Variants in NFAT5 observed in about 807,000 individuals in gnomAD.
NFAT5 encodes the protein nuclear factor of activated T cells 5.
A neutral mutation model predicts 166.5 loss-of-function variants in NFAT5; 31 were observed. The ratio of observed to expected loss-of-function variants is 0.19; its 90% CI spans 0.14 to 0.25. The LOEUF (loss-of-function observed/expected upper bound fraction) is 0.25. Among genes scored for constraint, NFAT5 ranks in the 10% least tolerant of loss-of-function variants. The pLI, the probability that NFAT5 is intolerant of heterozygous loss-of-function variation, is 1.00. For missense variants in NFAT5, 1,449 were observed against 1,821.8 expected (o/e 0.80, Z 3.72); for synonymous variants, 612 against 639.7 (o/e 0.96, Z 0.65).
chr16:69,633,367 T>A (rs977982600), intron 3 of NFAT5, among the ~76,000 whole-genome samples: 3 of 152,168 alleles, frequency 2.0e-5, no homozygotes, highest in Non-Finnish European at 2.9e-5. Flanking sequence ...GCCTAAGAAA[T>A]TAATGCATAG....
At chr16:69,645,336 A>ATAC (rs1431921254) in intron 3 of NFAT5, among the ~76,000 whole-genome samples, 1 of 152,222 alleles carries the variant, frequency 6.6e-6, no homozygotes, top group Non-Finnish European at 1.5e-5. Flanking sequence ...TTTGAGAAGG[A>ATAC]TACATACTGG....
At chr16:69,571,962 C>T (rs774462918) in intron 2 of NFAT5, among the ~76,000 whole-genome samples, 13 of 152,002 alleles carry the variant, frequency 8.6e-5, no homozygotes, top group Non-Finnish European at 1.5e-4. Context: ...CAGGGTTTCA[C>T]CATATTAGCC....
intron 10 of NFAT5, among the ~76,000 whole-genome samples, chr16:69,680,821 G>A (rs1289867085): frequency 3.9e-5 from 6 of 152,100 alleles, no homozygotes; most frequent in South Asian, 2.1e-4. Context: ...GTACAGTGGC[G>A]TGATCTCGGC....
chr16:69,633,846 C>G (rs1055002957), intron 3 of NFAT5, among the ~76,000 whole-genome samples: 1 of 151,874 alleles, frequency 6.6e-6, no homozygotes, highest in African/African-American at 2.4e-5. Flanking sequence ...ATTCCTAACA[C>G]AAAGAAATGA....
Position 69,566,458 on chromosome 16 carries a change from C to T in NFAT5, c.73+84C>T, listed in dbSNP as rs1443089708. 4 of 1,219,928 alleles carry T rather than the reference C, an allele frequency of 3.3e-6. No individual in the cohort carries two copies. Among genetic ancestry groups the T allele is most frequent in the Non-Finnish European group, 4.7e-6 (4 of 855,170 alleles). The allele number at this position is 1,219,928 out of a possible 1,614,324, so 75.6% of individuals were successfully genotyped here. A position where few individuals can be genotyped will look rare whatever the true frequency, so the allele number is the denominator to read the frequency against. ...AGGGCCAGGGGAGGCGAGGGGTCCC[C>T]GTCCCGCCGGGGGCGGCTGAGCCGC... is the stretch of plus-strand genomic sequence containing the variant. On this transcript the variant is annotated intron_variant, in intron 1 of 14. Coordinates refer to ENST00000349945, the MANE Select transcript of NFAT5 (RefSeq NM_138713.4). The surrounding 1 kb of genome is among the most constrained non-coding windows in gnomAD (Gnocchi z 5.7).
chr16:69,613,532 G>T (rs1291508538), intron 2 of NFAT5, among the ~76,000 whole-genome samples: 1 of 152,108 alleles, frequency 6.6e-6, no homozygotes, highest in African/African-American at 2.4e-5. Flanking sequence ...CTGAGTAACT[G>T]AGTTACCTAA....
chr16:69,655,551 A>G, intron 5 of NFAT5, 58 bp from the exon 6 acceptor site: 1 of 1,314,854 alleles, frequency 7.6e-7, no homozygotes, highest in South Asian at 1.9e-5. Context: ...ATTTGATTTT[A>G]TAATTAGATT....
intron 4 of NFAT5, among the ~76,000 whole-genome samples, chr16:69,652,031 G>T (rs138518174): frequency 6.6e-6 from 1 of 152,102 alleles, no homozygotes; most frequent in African/African-American, 2.4e-5. Flanking sequence ...TATTTGCAGT[G>T]CTTCAACTAT....
chr16:69,677,097 T>A, intron 9 of NFAT5, 106 bp from the exon 10 acceptor site: 15 of 1,075,674 alleles, frequency 1.4e-5, no homozygotes, highest in Non-Finnish European at 2.0e-5. Context: ...TCTTTTTTTT[T>A]TAATCACTTT....
intron 2 of NFAT5, among the ~76,000 whole-genome samples, chr16:69,588,099 C>A (rs2032211763): frequency 6.6e-6 from 1 of 151,652 alleles, no homozygotes; most frequent in South Asian, 2.1e-4. Context: ...ATTACAGGTG[C>A]ACACCACTAT....
At position 69,691,994 on chromosome 16, in the gene NFAT5, G is replaced by A; in HGVS notation, c.2169G>A (p.Leu723=). ...SSQLPNSDAL[L]QQATQFQTRE... is the part of the protein sequence containing the mutation. Reference sequence around the variant, plus strand: ...AGCTGCCCAACAGCGATGCACTATTGCAGCAGGCTACACAGTTTCAGACAA... The same window carrying A: ...AGCTGCCCAACAGCGATGCACTATTACAGCAGGCTACACAGTTTCAGACAA... Residue 723 remains leucine (L), a synonymous_variant, in exon 13 of 15, where the codon TTG becomes TTA. Coordinates refer to ENST00000349945, the MANE Select transcript of NFAT5 (RefSeq NM_138713.4). 6.2e-7 allele frequency: 1 copy of A among 1,614,174 alleles called. No individual in the cohort carries two copies. The highest frequency in any genetic ancestry group is 1.1e-5 in the South Asian group (1 of 91,074).
chr16:69,676,264 GA>G (rs2036829988), intron 9 of NFAT5, among the ~76,000 whole-genome samples: 1 of 152,156 alleles, frequency 6.6e-6, no homozygotes, highest in Non-Finnish European at 1.5e-5. Context: ...TACCCTCTAA[GA>G]AGATATAGTA....
chr16:69,584,160 A>ACC (rs2031885049), intron 2 of NFAT5, among the ~76,000 whole-genome samples: 2 of 152,094 alleles, frequency 1.3e-5, no homozygotes, highest in Non-Finnish European at 2.9e-5. Context: ...CTGGAGGTGG[A>ACC]AGTTGCAGGG....
rs554303267 is a variant in NFAT5 at position 69,593,787 on chromosome 16, G to A, written c.127+25239G>A. Among the ~76,000 whole-genome samples, 12 of 152,278 alleles carry A rather than the reference G, an allele frequency of 7.9e-5. No homozygotes were observed. The East Asian group carries it at 1.9e-3, about 24-fold the overall frequency. On this transcript the variant is annotated intron_variant, in intron 2 of 14. Transcript: ENST00000349945. ...ATTGGAAGAAAACACGCCATTTTGT[G>A]CAGTATAAGAATATAAGCTTATCAG...
At position 69,694,001 on chromosome 16, in the gene NFAT5, C is replaced by T. The variant is rs1424166913; in HGVS notation, c.4176C>T (p.Leu1392=). The change falls in exon 13 of 15, where the codon CTC becomes CTT. Residue 1392 remains leucine, a synonymous_variant. Transcript: ENST00000349945. ...GTTCTCAAGAGCAGCAAGTAACTCT[C>T]TTCTTATCTCCAGCATCCATGTCTG... The part of the protein sequence containing the change: ...SPSSQEQQVT[L]FLSPASMSAL... 2 of 1,614,206 alleles carry T rather than the reference C, an allele frequency of 1.2e-6. No homozygotes were observed. Among genetic ancestry groups the T allele is most frequent in the African/African-American group, 2.7e-5 (2 of 75,058 alleles).
At position 69,659,766 on chromosome 16, in the gene NFAT5, T is replaced by C; in HGVS notation, c.1236T>C (p.Asp412=). 1 of 1,613,954 alleles carries C rather than the reference T, an allele frequency of 6.2e-7. No individual in the cohort carries two copies. The highest frequency in any genetic ancestry group is 8.5e-7 in the Non-Finnish European group (1 of 1,179,928). Reference sequence around the variant, plus strand: ...GGATATTGAAATTGAGGAATGCTGATGTCGAAGCCAGAATAGGAATTGCTG... The same window carrying C: ...GGATATTGAAATTGAGGAATGCTGACGTCGAAGCCAGAATAGGAATTGCTG... ...CVGILKLRNA[D]VEARIGIAGS... The change falls in exon 7 of 15, where the codon GAT becomes GAC. Residue 412 remains aspartate (D), a synonymous_variant. Coordinates refer to ENST00000349945, the MANE Select transcript of NFAT5 (RefSeq NM_138713.4).
At chr16:69,694,846 T>C (rs1305374010) in intron 13 of NFAT5, among the ~76,000 whole-genome samples, 2 of 152,228 alleles carry the variant, frequency 1.3e-5, no homozygotes, top group Non-Finnish European at 2.9e-5. Context: ...ATCTTTAATG[T>C]TTATATACCA....
At chr16:69,587,176 G>C (rs2032124368) in intron 2 of NFAT5, among the ~76,000 whole-genome samples, 1 of 150,680 alleles carries the variant, frequency 6.6e-6, no homozygotes. Context: ...TCTGCCTCCA[G>C]GTTCAATTGA....
intron 3 of NFAT5, among the ~76,000 whole-genome samples, chr16:69,627,658 G>A (rs2034531654): frequency 6.6e-6 from 1 of 151,984 alleles, no homozygotes; most frequent in African/African-American, 2.4e-5. Context: ...AGCCTTCCTG[G>A]TTGAAGGCAG....
Sources: gnomAD v4.1 joint callset for allele counts (sites outside exome capture counted in the v4.1 genomes callset) on GRCh38, gnomAD v4.1.1 for gene constraint, Gnocchi (gnomAD v3.1) non-coding constraint, MANE v1.5 for transcripts, NCBI Gene and HGNC (gene_info 2026-07-23, HGNC 2026-07-21) for gene names.